The following ASIC2 variants were observed in gnomAD, a reference collection of about 807,000 sequenced individuals.
ASIC2 encodes acid sensing ion channel subunit 2.
Under a neutral mutation model 57.3 loss-of-function variants are expected in ASIC2, and 25 were observed. The ratio of observed to expected loss-of-function variants is 0.44; its 90% CI spans 0.32 to 0.61. The LOEUF is 0.61. ASIC2 is among the 20% of genes least tolerant of loss of function. ASIC2 has a pLI of 0.06. For synonymous variants in ASIC2, 319 were observed against 307.5 expected (o/e 1.04, Z -0.39); for missense variants, 641 against 738.1 (o/e 0.87, Z 1.52).
At chr17:33,434,318 G>C (rs1317188743) in intron 1 of ASIC2, among the ~76,000 whole-genome samples, 1 of 151,968 alleles carries the variant, frequency 6.6e-6, no homozygotes, top group Admixed American at 6.6e-5. Context: ...TAATGATATA[G>C]ATAATAACAA....
chr17:34,038,926 A>G (rs1907993069), intron 1 of ASIC2: 2 of 1,612,750 alleles, frequency 1.2e-6, no homozygotes, highest in African/African-American at 2.7e-5. Context: ...TCTGAAAAGC[A>G]TAACCATCTG....
intron 1 of ASIC2, among the ~76,000 whole-genome samples, chr17:33,424,383 G>T (rs1256202081): frequency 6.6e-6 from 1 of 152,216 alleles, no homozygotes; most frequent in East Asian, 1.9e-4. Context: ...GAGAAACTAG[G>T]GGGTTATAAA....
intron 1 of ASIC2, among the ~76,000 whole-genome samples, chr17:33,709,156 C>T (rs568529696): frequency 2.0e-5 from 3 of 152,260 alleles, no homozygotes; most frequent in South Asian, 2.1e-4. Flanking sequence ...AACTCTGTAA[C>T]GCCGTAATCT....
chr17:34,031,671 C>T (rs1328780059), intron 1 of ASIC2, among the ~76,000 whole-genome samples: 2 of 152,114 alleles, frequency 1.3e-5, no homozygotes, highest in African/African-American at 4.8e-5. Flanking sequence ...CCTTAAGGGA[C>T]CTAATGGAGC....
intron 3 of ASIC2, among the ~76,000 whole-genome samples, chr17:33,060,344 T>G (rs1314504918): frequency 1.3e-5 from 2 of 152,198 alleles, no homozygotes; most frequent in African/African-American, 4.8e-5. Context: ...TTGTATAAGG[T>G]GTAAGGAAGG....
chr17:33,227,008 C>CTT (rs34211973), intron 1 of ASIC2, among the ~76,000 whole-genome samples: 2 of 151,962 alleles, frequency 1.3e-5, no homozygotes, highest in Non-Finnish European at 2.9e-5. Flanking sequence ...AGGTCAATAA[C>CTT]TTTTTTTTCA....
intron 1 of ASIC2, among the ~76,000 whole-genome samples, chr17:34,025,713 T>C (rs2142032719): frequency 6.6e-6 from 1 of 152,358 alleles, no homozygotes; most frequent in South Asian, 2.1e-4. Context: ...TACTAATCCT[T>C]TAGCCATGGG....
chr17:33,382,661 T>C (rs996228193), intron 1 of ASIC2, among the ~76,000 whole-genome samples: 2 of 152,242 alleles, frequency 1.3e-5, no homozygotes, highest in Non-Finnish European at 2.9e-5. Flanking sequence ...AGTTTGACTA[T>C]CCTTGTTTTA....
At chr17:33,906,011 A>AATT (rs781553472) in intron 1 of ASIC2, among the ~76,000 whole-genome samples, 1 of 132,530 alleles carries the variant, frequency 7.5e-6, no homozygotes, top group African/African-American at 2.8e-5. Flanking sequence ...TTTTAATTAA[A>AATT]TTTTTTTTTT....
At chr17:33,635,396 C>T (rs578004397) in intron 1 of ASIC2, among the ~76,000 whole-genome samples, 3 of 152,298 alleles carry the variant, frequency 2.0e-5, no homozygotes, top group East Asian at 1.9e-4. Context: ...TATTATCTCA[C>T]GGCTGTGAGG....
chr17:33,845,366 C>T (rs1913551360), intron 1 of ASIC2, among the ~76,000 whole-genome samples: 1 of 151,978 alleles, frequency 6.6e-6, no homozygotes, highest in Non-Finnish European at 1.5e-5. Flanking sequence ...GTAATATTAC[C>T]AGAATGCTTG....
intron 1 of ASIC2, among the ~76,000 whole-genome samples, chr17:33,145,879 G>C (rs985186090): frequency 5.3e-5 from 8 of 152,160 alleles, no homozygotes; most frequent in Non-Finnish European, 1.0e-4. Flanking sequence ...CAGGGCACAG[G>C]AATTGTGCCC....
intron 6 of ASIC2, among the ~76,000 whole-genome samples, chr17:33,021,800 A>G (rs1023406525): frequency 2.6e-5 from 4 of 152,216 alleles, no homozygotes; most frequent in African/African-American, 9.7e-5. Context: ...TATCAAGTCA[A>G]TTGCCAGAAG....
intron 1 of ASIC2, among the ~76,000 whole-genome samples, chr17:34,076,673 G>A (rs890217241): frequency 6.6e-6 from 1 of 152,134 alleles, no homozygotes; most frequent in African/African-American, 2.4e-5. Context: ...CCTAATATGT[G>A]CTTCCACTGT....
chr17:34,153,275 AATAAGT>A (rs1904594242), intron 1 of ASIC2, among the ~76,000 whole-genome samples: 1 of 152,200 alleles, frequency 6.6e-6, no homozygotes, highest in Non-Finnish European at 1.5e-5. Flanking sequence ...TAACTTCTCT[AATAAGT>A]CAGCCACCGC....
intron 1 of ASIC2, among the ~76,000 whole-genome samples, chr17:33,969,262 C>G (rs1395118014): frequency 1.3e-5 from 2 of 152,222 alleles, no homozygotes; most frequent in African/African-American, 4.8e-5. Flanking sequence ...GTTTCCCCTT[C>G]TCTATATGAG....
At chr17:33,536,715 G>A (rs1287820107) in intron 1 of ASIC2, among the ~76,000 whole-genome samples, 5 of 152,172 alleles carry the variant, frequency 3.3e-5, no homozygotes, top group Non-Finnish European at 7.4e-5. Context: ...TCTTTTAAAA[G>A]TGTAAGTGAG....
In ASIC2 at chr17:33,578,484, G is replaced by C. The variant is rs945050366; in HGVS notation, c.556-466417C>G. Among the ~76,000 whole-genome samples the C allele has an allele frequency of 1.1e-4, 17 of 152,084 alleles. 1 individual carries two copies. Among genetic ancestry groups the C allele is most frequent in the African/African-American group, 3.6e-4 (15 of 41,398 alleles). ...AATAAAGACTGAACAAAGTAAAATG[G>C]GTGGGCGAGACAATTGGGACGGATA... is the stretch of plus-strand genomic sequence containing the variant. On this transcript the variant is annotated intron_variant, in intron 1 of 9. Transcript: ENST00000359872.
At position 33,024,025 on chromosome 17, in the gene ASIC2, G is replaced by A. The variant is rs772159980; in HGVS notation, c.1196-11C>T. On this transcript the variant is annotated splice_polypyrimidine_tract_variant and intron_variant, in intron 5 of 9. Coordinates refer to ENST00000225823, the MANE Select transcript of ASIC2 (RefSeq NM_183377.2). ...TTTCCGCCAACAGACCTGGAGGGGAGAGTGAGGTGGGGCTTAGTCAGGTGT... is the reference window on the plus strand; with the variant it reads ...TTTCCGCCAACAGACCTGGAGGGGAAAGTGAGGTGGGGCTTAGTCAGGTGT... 5.0e-6 allele frequency: 8 copies of A among 1,614,088 alleles called. No individual in the cohort carries two copies. Among genetic ancestry groups the A allele is most frequent in the Non-Finnish European group, 6.8e-6 (8 of 1,179,980 alleles).
Sources: gnomAD v4.1 joint callset for allele counts (sites outside exome capture counted in the v4.1 genomes callset) on GRCh38, gnomAD v4.1.1 for gene constraint, MANE v1.5 for transcripts, NCBI Gene and HGNC (gene_info 2026-07-23, HGNC 2026-07-21) for gene names.